NAV3: variants seen among roughly 807,000 people sequenced by gnomAD.
NAV3 encodes neuron navigator 3.
A neutral mutation model predicts 244.7 loss-of-function variants in NAV3; 87 were observed. The ratio of observed to expected loss-of-function variants is 0.36; its 90% CI spans 0.30 to 0.42. NAV3 has a LOEUF of 0.42. NAV3 is among the 20% of genes least tolerant of loss of function. The pLI, the probability that NAV3 is intolerant of heterozygous loss-of-function variation, is 1.00. For synonymous variants in NAV3, 1,126 were observed against 1,042.2 expected (o/e 1.08, Z -1.55); for missense variants, 2,663 against 2,893.3 (o/e 0.92, Z 1.83).
At chr12:77,851,806 A>G (rs545978651) in intron 1 of NAV3, among the ~76,000 whole-genome samples, 3 of 152,342 alleles carry the variant, frequency 2.0e-5, no homozygotes, top group Admixed American at 2.0e-4. Context: ...TGTCTATATT[A>G]CTGTAACTTC....
chr12:78,173,462 G>A (rs182805266), intron 24 of NAV3, among the ~76,000 whole-genome samples: 12 of 151,666 alleles, frequency 7.9e-5, no homozygotes, highest in African/African-American at 2.7e-4. Context: ...TATTAGGAAC[G>A]AGCTAGCAAA....
intron 1 of NAV3, among the ~76,000 whole-genome samples, chr12:77,918,642 G>C (rs544538014): frequency 1.3e-5 from 2 of 152,100 alleles, no homozygotes; most frequent in Admixed American, 1.3e-4. Context: ...GATAGTTTCT[G>C]GGGGGTGATA....
chr12:77,842,464 C>T (rs924513686), intron 1 of NAV3, among the ~76,000 whole-genome samples: 11 of 151,484 alleles, frequency 7.3e-5, no homozygotes, highest in Admixed American at 6.0e-4. Context: ...GAGCTGGGAA[C>T]CAGAAAGGCC....
At chr12:77,686,274 G>A (rs1047621431) in intron 2 of NAV3, among the ~76,000 whole-genome samples, 9 of 151,974 alleles carry the variant, frequency 5.9e-5, no homozygotes, top group Non-Finnish European at 1.5e-5. Context: ...CGTATTTTTG[G>A]TAGAGACGGG....
intron 2 of NAV3, among the ~76,000 whole-genome samples, chr12:77,622,358 A>G (rs1191347488): frequency 1.3e-5 from 2 of 151,672 alleles, no homozygotes; most frequent in Admixed American, 6.6e-5. Flanking sequence ...ACAGGGTTTC[A>G]CCGTGTTAGC....
intron 1 of NAV3, among the ~76,000 whole-genome samples, chr12:77,839,655 G>A (rs1156729143): frequency 6.6e-6 from 1 of 152,098 alleles, no homozygotes; most frequent in African/African-American, 2.4e-5. Flanking sequence ...TTACCTACTA[G>A]TATTATAATA....
At chr12:77,673,835 C>A (rs1421928059) in intron 2 of NAV3, among the ~76,000 whole-genome samples, 1 of 151,968 alleles carries the variant, frequency 6.6e-6, no homozygotes, top group Non-Finnish European at 1.5e-5. Context: ...GTGTTGTGAT[C>A]AACACACAAT....
chr12:78,071,000 C>T (rs1952733299), intron 12 of NAV3, among the ~76,000 whole-genome samples: 1 of 149,000 alleles, frequency 6.7e-6, no homozygotes, highest in Non-Finnish European at 1.5e-5. Context: ...GTGAATAATG[C>T]CGCAATAAAC....
intron 1 of NAV3, among the ~76,000 whole-genome samples, chr12:77,875,746 A>G (rs1881758499): frequency 6.6e-6 from 1 of 152,102 alleles, no homozygotes; most frequent in African/African-American, 2.4e-5. Flanking sequence ...CATTTCAAAT[A>G]TATTAACAAT....
intron 8 of NAV3, among the ~76,000 whole-genome samples, chr12:78,013,170 C>T (rs1677880): frequency 0.49 from 74,169 of 151,924 alleles, 18,726 homozygotes; most frequent in East Asian, 0.74. Context: ...CTTCTTTCAA[C>T]AACTACCTAC....
At position 78,040,202 on chromosome 12, in the gene NAV3, A is replaced by G. The variant is rs116948817; in HGVS notation, c.2024-9791A>G. On this transcript the variant is annotated intron_variant, in intron 9 of 39. Transcript: ENST00000397909. ...TCTTGCCTTTTGTGGGTCATTGAAA[A>G]CATTTACTGCAATAAATTTTCTTTG... Among the ~76,000 whole-genome samples, 393 of 152,248 alleles carry G rather than the reference A, an allele frequency of 2.6e-3. 2 individuals are homozygous for G. Among genetic ancestry groups the G allele is most frequent in the Non-Finnish European group, 3.9e-3 (267 of 68,002 alleles).
At chr12:77,859,890 T>A (rs977981915) in intron 1 of NAV3, among the ~76,000 whole-genome samples, 2 of 151,870 alleles carry the variant, frequency 1.3e-5, no homozygotes, top group African/African-American at 4.8e-5. Context: ...TTCTCATTTT[T>A]TAATTTTCTC....
At chr12:77,829,644 G>T (rs1228731739), upstream of NAV3, among the ~76,000 whole-genome samples, 1 of 152,092 alleles carries the variant, frequency 6.6e-6, no homozygotes, top group African/African-American at 2.4e-5. Context: ...GATACCACTA[G>T]TGTTGTATTT....
intron 20 of NAV3, among the ~76,000 whole-genome samples, chr12:78,144,306 T>C (rs419146): frequency 0.35 from 52,461 of 151,900 alleles, 9,316 homozygotes; most frequent in East Asian, 0.48. Context: ...TATTGGCTTA[T>C]AGAATAAATA....
chr12:77,960,488 T>C (rs189455177), intron 3 of NAV3, among the ~76,000 whole-genome samples: 202 of 147,868 alleles, frequency 1.4e-3, no homozygotes, highest in African/African-American at 4.7e-3. Context: ...TAAACACATA[T>C]ATATATAACA....
chr12:77,580,219 A>AACACACACACACAC (rs59671759), intron 2 of NAV3, among the ~76,000 whole-genome samples: 178 of 145,484 alleles, frequency 1.2e-3, no homozygotes, highest in African/African-American at 4.4e-3. Context: ...GTAGGGTGGG[A>AACACACACACACAC]ACACACACAC....
chr12:77,683,619 G>T (rs1384260732), intron 2 of NAV3, among the ~76,000 whole-genome samples: 1 of 151,948 alleles, frequency 6.6e-6, no homozygotes, highest in South Asian at 2.1e-4. Flanking sequence ...GGTAATATGG[G>T]CATTTTAACA....
intron 3 of NAV3, among the ~76,000 whole-genome samples, chr12:77,965,057 C>G (rs915481450): frequency 6.6e-6 from 1 of 152,006 alleles, no homozygotes; most frequent in African/African-American, 2.4e-5. Flanking sequence ...GCATAGCTTT[C>G]GATGAGAATT....
intron 5 of NAV3, among the ~76,000 whole-genome samples, chr12:77,983,442 G>C (rs1013595947): frequency 6.6e-6 from 1 of 152,054 alleles, no homozygotes; most frequent in South Asian, 2.1e-4. Context: ...AATATAATAT[G>C]ATAGTGGAAA....
Sources: allele counts gnomAD v4.1 joint callset (sites outside exome capture counted in the v4.1 genomes callset), GRCh38; gene constraint gnomAD v4.1.1; transcripts MANE v1.5; gene names NCBI Gene and HGNC (gene_info 2026-07-23, HGNC 2026-07-21).